Variants in PGBD5 observed in about 807,000 individuals in gnomAD.
PGBD5 encodes the protein piggyBac transposable element-derived protein 5.
Under a neutral mutation model 47.9 loss-of-function variants are expected in PGBD5, and 14 were observed. That is an observed-to-expected ratio of 0.29 (90% CI 0.19 to 0.46). PGBD5 has a LOEUF of 0.46. Among genes scored for constraint, PGBD5 ranks in the 20% least tolerant of loss-of-function variants. The pLI is 1.00. For missense variants in PGBD5, 635 were observed against 716.0 expected, an observed-to-expected ratio of 0.89 and a Z score of 1.29; for synonymous variants, 316 against 306.3, an observed-to-expected ratio of 1.03 and a Z score of -0.33.
At chr1:230,356,843 C>T (rs749539606) in intron 2 of PGBD5, 51 bp downstream of exon 2, 24 of 1,569,846 alleles carry the variant, frequency 1.5e-5, no homozygotes, top group East Asian at 1.4e-4. Context: ...AAGGCTAGGC[C>T]GAGAGAGCGA....
At chr1:230,416,389 T>G (rs1657513277) in intron 1 of PGBD5, among the ~76,000 whole-genome samples, 1 of 152,202 alleles carries the variant, frequency 6.6e-6, no homozygotes, top group South Asian at 2.1e-4. Flanking sequence ...TCTGCGTCCA[T>G]CTATTCCTTT....
intron 1 of PGBD5, among the ~76,000 whole-genome samples, chr1:230,384,130 G>T (rs1384969447): frequency 6.6e-6 from 1 of 152,158 alleles, no homozygotes; most frequent in African/African-American, 2.4e-5. Context: ...AAAGAGGGTC[G>T]GAGCAACCGG....
At chr1:230,370,121 G>A (rs1046156389) in intron 1 of PGBD5, among the ~76,000 whole-genome samples, 1 of 152,234 alleles carries the variant, frequency 6.6e-6, no homozygotes, top group African/African-American at 2.4e-5. Context: ...CAGAGGGAAA[G>A]GACGGGGATG....
intron 1 of PGBD5, among the ~76,000 whole-genome samples, chr1:230,410,298 T>G (rs1434420942): frequency 6.6e-6 from 1 of 152,106 alleles, no homozygotes; most frequent in Non-Finnish European, 1.5e-5. Context: ...ATTTCTCAAA[T>G]GAGAATATTT....
chr1:230,401,372 C>T (rs1258494736), intron 1 of PGBD5, among the ~76,000 whole-genome samples: 2 of 152,174 alleles, frequency 1.3e-5, no homozygotes, highest in Non-Finnish European at 1.5e-5. Flanking sequence ...TCCGGGACTG[C>T]TCATCCCCGT....
chr1:230,402,357 C>G (rs1657156888), intron 1 of PGBD5, among the ~76,000 whole-genome samples: 1 of 152,212 alleles, frequency 6.6e-6, no homozygotes, highest in South Asian at 2.1e-4. Context: ...GAACGCTTCT[C>G]CAGATAGAAA....
rs73119537 is a variant in PGBD5, at chr1:230,337,698, T to C, written c.895-410A>G. On this transcript the variant is annotated intron_variant, in intron 3 of 6. Transcript: ENST00000391860. ...ATACAGCTTCTTAATTTACAAGGTA[T>C]GTTCATAATGACTGTTTAATTTGTT... Among the ~76,000 whole-genome samples the C allele has an allele frequency of 4.9e-3, 739 of 152,346 alleles. 11 individuals are homozygous for C. Among genetic ancestry groups the C allele is most frequent in the African/African-American group, 0.017 (695 of 41,564 alleles).
Position 230,325,294 on chromosome 1 carries a change from G to A in PGBD5, c.1379+16C>T, listed in dbSNP as rs1162941013. 6.3e-7 allele frequency: 1 copy of A among 1,587,914 alleles called. No homozygotes were observed. The highest frequency in any genetic ancestry group is 2.3e-5 in the East Asian group (1 of 44,402). ...CTATGAGAGCCCTTCTGTCATGGAG[G>A]TGCCCAGCCACTTACTTGCTGTATT... On this transcript the variant is annotated intron_variant, in intron 6 of 6. Coordinates refer to ENST00000391860, the MANE Select transcript of PGBD5 (RefSeq NM_001258311.2).
At chr1:230,364,170 G>T (rs1379663505) in intron 1 of PGBD5, among the ~76,000 whole-genome samples, 3 of 152,210 alleles carry the variant, frequency 2.0e-5, no homozygotes, top group Non-Finnish European at 4.4e-5. Context: ...GCTCTATTGG[G>T]GTACTCCCGT....
chr1:230,414,460 A>G (rs1657475370), intron 1 of PGBD5, among the ~76,000 whole-genome samples: 1 of 152,222 alleles, frequency 6.6e-6, no homozygotes, highest in Non-Finnish European at 1.5e-5. Flanking sequence ...CTTCTCTGCT[A>G]CACTTCTGGA....
In PGBD5 at chr1:230,318,556, T is replaced by C. The variant is rs996704328; in HGVS notation, c.*4869A>G. Reference sequence around the variant, plus strand: ...CACTACCTTGTGAACTTCTGGGGACTTCTTTCGTTTGGAACTCCCACTACA... The same window carrying C: ...CACTACCTTGTGAACTTCTGGGGACCTCTTTCGTTTGGAACTCCCACTACA... On this transcript the variant is annotated 3_prime_UTR_variant, in exon 7 of 7. Coordinates refer to ENST00000391860, the MANE Select transcript of PGBD5 (RefSeq NM_001258311.2). The C allele has an allele frequency of 1.8e-4, 27 of 152,380 alleles. No homozygotes were observed. The highest frequency in any genetic ancestry group is 6.5e-4 in the African/African-American group (27 of 41,586). The allele number at this position is 152,380 out of a possible 1,614,324, so 9.4% of individuals were successfully genotyped here.
At chr1:230,414,611 G>A (rs1657478582) in intron 1 of PGBD5, among the ~76,000 whole-genome samples, 1 of 152,056 alleles carries the variant, frequency 6.6e-6, no homozygotes, top group Non-Finnish European at 1.5e-5. Flanking sequence ...GTCTCCACTG[G>A]CACTCTGAAT....
intron 1 of PGBD5, among the ~76,000 whole-genome samples, chr1:230,377,263 A>C (rs1364969527): frequency 6.6e-6 from 1 of 152,222 alleles, no homozygotes; most frequent in Non-Finnish European, 1.5e-5. Context: ...CCTGCAGATG[A>C]CTTAACCCTG....
In PGBD5 at chr1:230,323,453, C is replaced by G. The variant is rs747685473; in HGVS notation, c.1547G>C (p.Gly516Ala). 1 of 1,613,988 alleles carries G rather than the reference C, an allele frequency of 6.2e-7. No individual in the cohort carries two copies. The highest frequency in any genetic ancestry group is 8.5e-7 in the Non-Finnish European group (1 of 1,179,932). Residue 516 changes from glycine (G) to alanine (A), a missense_variant, in exon 7 of 7, where the codon GGC becomes GCC. Gly to Ala is a moderately conservative substitution (Grantham distance 60, BLOSUM62 0). Coordinates refer to ENST00000391860, the MANE Select transcript of PGBD5 (RefSeq NM_001258311.2). This position sits in a 1 kb window ranked among gnomAD's most constrained non-coding sequence, Gnocchi z 4.1. ...GTGGGTCGGAGAGGCATCCTCCAAG[C>G]CCAGCAGCTCTCTGACGAGTCTCTC... ...FGERLVRELL[G>A]LEDASPTH is the part of the protein sequence containing the mutation.
intron 1 of PGBD5, among the ~76,000 whole-genome samples, chr1:230,381,624 C>T (rs1656497160): frequency 6.6e-6 from 1 of 152,234 alleles, no homozygotes; most frequent in African/African-American, 2.4e-5. Flanking sequence ...TTCTTCTGTC[C>T]TATCAGTGTC....
At chr1:230,383,505 T>C (rs545357133) in intron 1 of PGBD5, among the ~76,000 whole-genome samples, 161 of 152,170 alleles carry the variant, frequency 1.1e-3, no homozygotes, top group African/African-American at 3.2e-3. Flanking sequence ...GCTGGGATTA[T>C]AGGTGCACCA....
chr1:230,349,657 A>G (rs1416067936), intron 3 of PGBD5, among the ~76,000 whole-genome samples: 1 of 152,132 alleles, frequency 6.6e-6, no homozygotes, highest in African/African-American at 2.4e-5. Context: ...ATATTTACTG[A>G]AAGAATAAAT....
At position 230,323,371 on chromosome 1, in the gene PGBD5, C is replaced by G. The variant is rs745648424; in HGVS notation, c.*54G>C. 6.4e-7 allele frequency: 1 copy of G among 1,566,148 alleles called. No individual in the cohort carries two copies. Among genetic ancestry groups the G allele is most frequent in the African/African-American group, 1.4e-5 (1 of 73,724 alleles). ...GTCTCTGATGGGCAAGTTGGAACGGCAGGCTCTCCTCCTCCTCTTGCCCCT... is the reference window on the plus strand; with the variant it reads ...GTCTCTGATGGGCAAGTTGGAACGGGAGGCTCTCCTCCTCCTCTTGCCCCT... On this transcript the variant is annotated 3_prime_UTR_variant, in exon 7 of 7. Coordinates refer to ENST00000391860, the MANE Select transcript of PGBD5 (RefSeq NM_001258311.2). This position sits in a 1 kb window ranked among gnomAD's most constrained non-coding sequence, Gnocchi z 4.1.
chr1:230,358,881 C>T (rs561368211), intron 1 of PGBD5, among the ~76,000 whole-genome samples: 1 of 152,242 alleles, frequency 6.6e-6, no homozygotes, highest in East Asian at 1.9e-4. Context: ...AACAAAATTA[C>T]CTAATGATGC....
Sources: gnomAD v4.1 joint callset for allele counts (sites outside exome capture counted in the v4.1 genomes callset) on GRCh38, gnomAD v4.1.1 for gene constraint, Gnocchi (gnomAD v3.1) non-coding constraint, MANE v1.5 for transcripts, NCBI Gene and HGNC (gene_info 2026-07-23, HGNC 2026-07-21) for gene names.